The following ZNF99 variants were observed in gnomAD, a reference collection of about 807,000 sequenced individuals.
The protein encoded by ZNF99 is zinc finger protein ENSP00000375192.
Under a neutral mutation model 12.8 loss-of-function variants are expected in ZNF99, and 8 were observed. That is an observed-to-expected ratio of 0.62 (90% CI 0.37 to 1.13). ZNF99 has a LOEUF of 1.13. Among genes scored for constraint, ZNF99 ranks in the 50% most tolerant of loss-of-function variants. The pLI is 0.02. For missense variants in ZNF99, 1,007 were observed against 1,006.2 expected, an observed-to-expected ratio of 1.00 and a Z score of -0.01; for synonymous variants, 318 against 319.0, an observed-to-expected ratio of 1.00 and a Z score of 0.03.
Position 22,758,317 on chromosome 19 carries a change from T to C in ZNF99, c.1592A>G (p.His531Arg). 4 of 1,613,052 alleles carry C rather than the reference T, an allele frequency of 2.5e-6. No individual in the cohort carries two copies. The highest frequency in any genetic ancestry group is 2.5e-6 in the Non-Finnish European group (3 of 1,179,456). ...ACATTTGTAGGGTTTCTTTCCAGTA[T>C]GAATTATCTTATGTTTTCTAAGGGC... ...FSALRKHKII[H>R]TGKKPYKCEE... Residue 531 changes from histidine to arginine, a missense_variant, in exon 4 of 4, where the codon CAT becomes CGT. By Grantham distance (29) the His-to-Arg change is conservative. Coordinates refer to ENST00000596209, the MANE Select transcript of ZNF99 (RefSeq NM_001080409.3).
chr19:22,759,395 T>A lies in ZNF99; in HGVS notation c.514A>T (p.Thr172Ser), dbSNP rs1422179796. ...TTGCTACATTTCATACATTTGAAAGTTTTCTTTTTAGTGTGTCTAATCTTA... is the reference window on the plus strand; with the variant it reads ...TTGCTACATTTCATACATTTGAAAGATTTCTTTTTAGTGTGTCTAATCTTA... ...RYKIRHTKKK[T>S]FKCMKCSKSF... The change falls in exon 4 of 4, where the codon ACT (threonine) becomes TCT (serine). Residue 172 changes from threonine to serine, a missense_variant. By Grantham distance (58) the Thr-to-Ser change is moderately conservative. Transcript: ENST00000596209. 1.9e-6 allele frequency: 3 copies of A among 1,565,112 alleles called. No individual in the cohort carries two copies. Among genetic ancestry groups the A allele is most frequent in the Admixed American group, 1.9e-5 (1 of 52,262 alleles).
At position 22,759,126 on chromosome 19, in the gene ZNF99, T is replaced by C. The variant is rs1320021629; in HGVS notation, c.783A>G (p.Glu261=). ...AGGAATTGTTAAAAACTTTGCCACATTCTTCACATTTGCAGGGTTTCTTTC... is the reference window on the plus strand; with the variant it reads ...AGGAATTGTTAAAAACTTTGCCACACTCTTCACATTTGCAGGGTTTCTTTC... The part of the protein sequence containing the change: ...HTGKKPCKCE[E]CGKVFNNSST... The change falls in exon 4 of 4, where the codon GAA becomes GAG. Residue 261 remains glutamate, a synonymous_variant. Coordinates refer to ENST00000596209, the MANE Select transcript of ZNF99 (RefSeq NM_001080409.3). 1 of 1,611,852 alleles carries C rather than the reference T, an allele frequency of 6.2e-7. No individual in the cohort carries two copies. The highest frequency in any genetic ancestry group is 8.5e-7 in the Non-Finnish European group (1 of 1,178,900).
chr19:22,772,513 TAC>T (rs1250525572), intron 1 of ZNF99, among the ~76,000 whole-genome samples: 4 of 152,092 alleles, frequency 2.6e-5, no homozygotes, highest in African/African-American at 9.7e-5. Flanking sequence ...ACCCTATCTC[TAC>T]TAAAATACAA....
rs202061112 is a variant in ZNF99 at position 22,758,006 on chromosome 19, T to C, written c.1903A>G (p.Thr635Ala). ...ECGKAFSQSSTLRKHEIIHTG... is the reference protein window; with the variant it reads ...ECGKAFSQSSALRKHEIIHTG... The stretch of plus-strand genomic sequence containing the variant: ...TGAATTATCTCATGTTTTCTAAGGG[T>C]TGAGGACTGGCTAAAAGCTTTGCCA... Residue 635 changes from threonine (T) to alanine (A), a missense_variant, in exon 4 of 4, where the codon ACC becomes GCC. By Grantham distance (58) the Thr-to-Ala change is moderately conservative. Transcript: ENST00000596209. 4 of 1,609,670 alleles carry C rather than the reference T, an allele frequency of 2.5e-6. No homozygotes were observed. The highest frequency in any genetic ancestry group is 3.4e-6 in the Non-Finnish European group (4 of 1,177,888).
intron 1 of ZNF99, among the ~76,000 whole-genome samples, 152 bp downstream of exon 1, chr19:22,783,862 T>C (rs1351609320): frequency 6.6e-6 from 1 of 152,104 alleles, no homozygotes; most frequent in Non-Finnish European, 1.5e-5. Flanking sequence ...CGCCATCTTA[T>C]GGCTGAAGGA....
intron 1 of ZNF99, among the ~76,000 whole-genome samples, chr19:22,775,855 T>TTTG (rs1352517793): frequency 2.0e-5 from 3 of 151,714 alleles, no homozygotes; most frequent in African/African-American, 7.3e-5. Flanking sequence ...TGAAACCCAG[T>TTTG]CTTTACTAAA....
chr19:22,763,903 C>CTTTTTTTTTTTTTTT (rs1349512561), intron 3 of ZNF99, among the ~76,000 whole-genome samples: 5 of 126,226 alleles, frequency 4.0e-5, no homozygotes, highest in Admixed American at 7.9e-5. Context: ...TTTTTTCTTT[C>CTTTTTTTTTTTTTTT]CTTTTTTTTT....
rs1479365110 is a variant in ZNF99 at position 22,784,038 on chromosome 19, TG to T, written c.-23del. On this transcript the variant is annotated 5_prime_UTR_variant, in exon 1 of 4. Coordinates refer to ENST00000596209, the MANE Select transcript of ZNF99 (RefSeq NM_001080409.3). ...CCATTTCTAAGCTTCCAGGGGGTCCTGGCGTCCTAGCTGTGGATCTCCAAAT... is the reference window on the plus strand; with the variant it reads ...CCATTTCTAAGCTTCCAGGGGGTCCTGCGTCCTAGCTGTGGATCTCCAAAT... 1 of 1,613,570 alleles carries T rather than the reference TG, an allele frequency of 6.2e-7. No individual in the cohort carries two copies. Among genetic ancestry groups the T allele is most frequent in the South Asian group, 1.1e-5 (1 of 91,052 alleles).
chr19:22,781,257 G>A (rs1045026474), intron 1 of ZNF99, among the ~76,000 whole-genome samples: 3 of 151,946 alleles, frequency 2.0e-5, no homozygotes, highest in Admixed American at 6.6e-5. Flanking sequence ...TGTCAAGTCA[G>A]GCCATCCAAT....
intron 1 of ZNF99, among the ~76,000 whole-genome samples, 169 bp from the exon 2 acceptor site, chr19:22,769,493 C>T (rs527417787): frequency 4.0e-5 from 6 of 151,864 alleles, no homozygotes; most frequent in Non-Finnish European, 7.4e-5. Flanking sequence ...CTCGGCTGGG[C>T]GCAGTGGCTC....
rs1442651112 is a variant in ZNF99 at position 22,754,387 on chromosome 19, G to C, written c.*2927C>G. 2.0e-5 allele frequency: 8 copies of C among 407,508 alleles called. No individual in the cohort carries two copies. Among genetic ancestry groups the C allele is most frequent in the Non-Finnish European group, 3.8e-5 (8 of 209,366 alleles). 25.2% of individuals were successfully genotyped at this position (407,508 alleles called of 1,614,324 possible). On this transcript the variant is annotated 3_prime_UTR_variant, in exon 4 of 4. Coordinates refer to ENST00000596209, the MANE Select transcript of ZNF99 (RefSeq NM_001080409.3). ...ATTTCAAAAAAAAAAAAAAAACTTT[G>C]CCACATTCTTCACATTTGTAGAATT...
At position 22,758,571 on chromosome 19, in the gene ZNF99, AATTATCTT is replaced by A; in HGVS notation, c.1330_1337del (p.Lys444SerfsTer10). ...ATTTGTAGGGTTGCTTTCCAGTATG[AATTATCTT>A]ATGTTTTCTAAGGGCTGAGAAACGC... On this transcript the variant is annotated frameshift_variant, in exon 4 of 4. Transcript: ENST00000596209. LOFTEE classifies it low-confidence loss of function (END_TRUNC). 1 of 1,612,712 alleles carries A rather than the reference AATTATCTT, an allele frequency of 6.2e-7. No homozygotes were observed. The highest frequency in any genetic ancestry group is 1.3e-5 in the African/African-American group (1 of 74,596).
intron 1 of ZNF99, among the ~76,000 whole-genome samples, chr19:22,783,298 A>C (rs534835051): frequency 6.9e-6 from 1 of 144,352 alleles, no homozygotes; most frequent in African/African-American, 2.8e-5. Flanking sequence ...GAAAGAAAAA[A>C]ATATTAATAA....
At position 22,777,552 on chromosome 19, in the gene ZNF99, T is replaced by C. The variant is rs559635741; in HGVS notation, c.3+6462A>G. Among the ~76,000 whole-genome samples, 7 of 152,238 alleles carry C rather than the reference T, an allele frequency of 4.6e-5. No individual in the cohort carries two copies. The South Asian group carries it at 1.5e-3, about 32-fold the overall frequency. On this transcript the variant is annotated intron_variant, in intron 1 of 3. Transcript: ENST00000596209. ...AATAAAAGTTAAAACAAAAAAACTCTATGGGTGAAAGAGAGTGCAATGCAG... is the reference window on the plus strand; with the variant it reads ...AATAAAAGTTAAAACAAAAAAACTCCATGGGTGAAAGAGAGTGCAATGCAG...
chr19:22,757,517 A>C lies in ZNF99; in HGVS notation c.2392T>G (p.Phe798Val), dbSNP rs777888700. 87 of 1,610,760 alleles carry C rather than the reference A, an allele frequency of 5.4e-5. No homozygotes were observed. The highest frequency in any genetic ancestry group is 7.1e-5 in the Non-Finnish European group (84 of 1,179,588). ...PYKCEECGKA[F>V]NNSSTLRKHE... ...TTTCTAAGGGTTGAGGAATTGTTAA[A>C]AGCTTTGCCACATTCTTCACATTTA... The change falls in exon 4 of 4, where the codon TTT becomes GTT. Residue 798 changes from phenylalanine (F) to valine (V), a missense_variant. Physicochemically the swap from Phe to Val is conservative, Grantham distance 50. Coordinates refer to ENST00000596209, the MANE Select transcript of ZNF99 (RefSeq NM_001080409.3).
chr19:22,761,436 ATATCACAATC>A (rs1973149878), intron 3 of ZNF99, among the ~76,000 whole-genome samples: 2 of 152,238 alleles, frequency 1.3e-5, no homozygotes, highest in Non-Finnish European at 2.9e-5. Context: ...CAACAGGAAC[ATATCACAATC>A]CTCAACATAT....
Position 22,753,928 on chromosome 19 carries a change from G to T in ZNF99, c.*3386C>A. On this transcript the variant is annotated 3_prime_UTR_variant, in exon 4 of 4. Coordinates refer to ENST00000596209, the MANE Select transcript of ZNF99 (RefSeq NM_001080409.3). Reference sequence around the variant, plus strand: ...CAACCATTTAAAGGCTTTGTGACATGACTCACATCTAGGGCTTCTTGACAC... The same window carrying T: ...CAACCATTTAAAGGCTTTGTGACATTACTCACATCTAGGGCTTCTTGACAC... The T allele has an allele frequency of 2.5e-6, 1 of 394,656 alleles. No homozygotes were observed. Among genetic ancestry groups the T allele is most frequent in the Non-Finnish European group, 5.1e-6 (1 of 194,392 alleles). 24.4% of individuals were successfully genotyped at this position (394,656 alleles called of 1,614,324 possible).
In ZNF99 at chr19:22,754,222, CTGGG is replaced by C; in HGVS notation, c.*3088_*3091del. 3 of 439,638 alleles carry C rather than the reference CTGGG, an allele frequency of 6.8e-6. No individual in the cohort carries two copies. Among genetic ancestry groups the C allele is most frequent in the South Asian group, 4.7e-5 (3 of 63,222 alleles). The allele number at this position is 439,638 out of a possible 1,614,324, so 27.2% of individuals were successfully genotyped here. A position where few individuals can be genotyped will look rare whatever the true frequency, so the allele number is the denominator to read the frequency against. On this transcript the variant is annotated 3_prime_UTR_variant, in exon 4 of 4. Transcript: ENST00000596209. ...TCTCTACTAAAAATACAAAAATTAG[CTGGG>C]CGTGGTGGCAGGCGCCTGCAATCCC...
chr19:22,759,546 A>G lies in ZNF99; in HGVS notation c.363T>C (p.Asn121=), dbSNP rs1973127622. 6.2e-7 allele frequency: 1 copy of G among 1,612,068 alleles called. No individual in the cohort carries two copies. The highest frequency in any genetic ancestry group is 8.5e-7 in the Non-Finnish European group (1 of 1,179,396). Residue 121 remains asparagine (N), a synonymous_variant, in exon 4 of 4, where the codon AAT becomes AAC. Coordinates refer to ENST00000596209, the MANE Select transcript of ZNF99 (RefSeq NM_001080409.3). The part of the protein sequence containing the change: ...LRLRKDCESV[N]EGKMHEEAYN... Reference sequence around the variant, plus strand: ...AAGCTTCTTCGTGCATCTTACCCTCATTGACACTTTCACAATCTTTTCTTA... The same window carrying G: ...AAGCTTCTTCGTGCATCTTACCCTCGTTGACACTTTCACAATCTTTTCTTA...
Sources: allele counts gnomAD v4.1 joint callset (sites outside exome capture counted in the v4.1 genomes callset), GRCh38; gene constraint gnomAD v4.1.1; transcripts MANE v1.5; gene names NCBI Gene and HGNC (gene_info 2026-07-23, HGNC 2026-07-21).